The following DPM1 variants were observed in gnomAD, a reference collection of about 807,000 sequenced individuals.
DPM1 encodes the protein dolichol-phosphate mannosyltransferase subunit 1.
In DPM1, 27 loss-of-function variants were observed where a neutral mutation model predicts 39.0. The observed-to-expected ratio is 0.69, with a 90% CI of 0.51 to 0.95. DPM1 has a LOEUF of 0.95. Ranked by LOEUF, DPM1 falls within the 40% of genes least tolerant of loss-of-function variation. DPM1 has a pLI of 0.00. For synonymous variants in DPM1, 124 were observed against 109.0 expected (o/e 1.14, Z -0.86); for missense variants, 307 against 315.6 (o/e 0.97, Z 0.21).
chr20:50,941,524 C>A lies in DPM1; in HGVS notation c.494+507G>T, dbSNP rs58525549. Among the ~76,000 whole-genome samples the A allele has an allele frequency of 8.9e-3, 1,343 of 151,128 alleles. 18 individuals are homozygous for A. The highest frequency in any genetic ancestry group is 0.031 in the African/African-American group (1,264 of 41,082). On this transcript the variant is annotated intron_variant, in intron 6 of 8. Coordinates refer to ENST00000371588, the MANE Select transcript of DPM1 (RefSeq NM_003859.3). Reference sequence around the variant, plus strand: ...CTCAGGAGTTCGAGGGCAACCTGGGCCACATGGTGAAACCCCATCTCTATG... The same window carrying A: ...CTCAGGAGTTCGAGGGCAACCTGGGACACATGGTGAAACCCCATCTCTATG...
chr20:50,942,209 T>G, intron 5 of DPM1, 83 bp from the exon 6 acceptor site: 2 of 1,271,138 alleles, frequency 1.6e-6, no homozygotes, highest in East Asian at 4.6e-5. Context: ...ACAAAACTTT[T>G]AAGAGAAGTC....
chr20:50,939,064 A>G (rs1462803960), intron 7 of DPM1, among the ~76,000 whole-genome samples: 13 of 152,176 alleles, frequency 8.5e-5, no homozygotes, highest in Admixed American at 8.5e-4. Flanking sequence ...GAACACAGCT[A>G]ATCATTGCTG....
At chr20:50,943,382 A>T (rs545342060) in intron 5 of DPM1, among the ~76,000 whole-genome samples, 10 of 151,774 alleles carry the variant, frequency 6.6e-5, no homozygotes, top group Admixed American at 5.2e-4. Flanking sequence ...TTTTTTTGAG[A>T]TGGAGTCTCG....
At position 50,945,749 on chromosome 20, in the gene DPM1, G is replaced by T; in HGVS notation, c.386C>A (p.Pro129His). ...ADLSHHPKFIPEFIRKQKEGN... is the reference protein window; with the variant it reads ...ADLSHHPKFIHEFIRKQKEGN... ...AAATAGTACCTACCTAATAAATTCAGGAATAAATTTTGGCTGAAATTTGAA... is the reference window on the plus strand; with the variant it reads ...AAATAGTACCTACCTAATAAATTCATGAATAAATTTTGGCTGAAATTTGAA... Residue 129 changes from proline (P) to histidine (H), a missense_variant, in exon 5 of 9, where the codon CCT becomes CAT. Pro to His is a moderately conservative substitution (Grantham distance 77). This residue lies in a region of DPM1 where 206 missense variants were observed against 188.2 expected (regional missense o/e 1.09). Transcript: ENST00000371588. 4 of 1,581,092 alleles carry T rather than the reference G, an allele frequency of 2.5e-6. No homozygotes were observed. The highest frequency in any genetic ancestry group is 3.5e-6 in the Non-Finnish European group (4 of 1,151,200).
Position 50,948,930 on chromosome 20 carries a change from C to T in DPM1, c.262-268G>A, listed in dbSNP as rs576822151. On this transcript the variant is annotated intron_variant, in intron 2 of 8. Coordinates refer to ENST00000371588, the MANE Select transcript of DPM1 (RefSeq NM_003859.3). Reference sequence around the variant, plus strand: ...GGCTGGAGTACAGTGGCGTGATCTCCGCTCACTGCAACCTCTGCCTCCTGG... The same window carrying T: ...GGCTGGAGTACAGTGGCGTGATCTCTGCTCACTGCAACCTCTGCCTCCTGG... Among the ~76,000 whole-genome samples the T allele has an allele frequency of 3.9e-4, 60 of 151,934 alleles. No homozygotes were observed. In the East Asian group the frequency reaches 5.2e-3, roughly 13 times the overall value.
At chr20:50,942,153 G>C in intron 5 of DPM1, 27 bp from the exon 6 acceptor site, 1 of 1,591,114 alleles carries the variant, frequency 6.3e-7, no homozygotes, top group South Asian at 1.1e-5. Flanking sequence ...CTGTCAATTA[G>C]AAAAAGCCAC....
intron 7 of DPM1, among the ~76,000 whole-genome samples, chr20:50,938,464 G>A (rs916441316): frequency 1.3e-5 from 2 of 150,996 alleles, no homozygotes; most frequent in African/African-American, 2.4e-5. Flanking sequence ...CTCACTGCAA[G>A]CTCTGCCTCC....
Position 50,945,823 on chromosome 20 carries a change from C to T in DPM1, c.372+24G>A, listed in dbSNP as rs1335527893. 8 of 1,611,738 alleles carry T rather than the reference C, an allele frequency of 5.0e-6. 1 individual carries two copies. In the South Asian group the frequency reaches 7.7e-5, roughly 15 times the overall value. On this transcript the variant is annotated intron_variant, in intron 4 of 8. Transcript: ENST00000371588. ...AACAGGCTAAGACTACCATAAATAG[C>T]TAATAAAGAAACATACCACTTACAT...
chr20:50,936,215 G>C lies in DPM1; in HGVS notation c.611C>G (p.Ser204Cys), dbSNP rs753066146. 1 of 1,613,522 alleles carries C rather than the reference G, an allele frequency of 6.2e-7. No homozygotes were observed. Among genetic ancestry groups the C allele is most frequent in the Admixed American group, 1.7e-5 (1 of 60,026 alleles). ...CTCCATCTGGAAGACGTAGCCTTTA[G>C]AAACACATTTTTCTATTAATTTCTC... ...VLEKLIEKCV[S>C]KGYVFQMEMI... Residue 204 changes from serine to cysteine, a missense_variant, in exon 8 of 9, where the codon TCT becomes TGT. By Grantham distance (112) the Ser-to-Cys change is moderately radical (BLOSUM62 -1). Coordinates refer to ENST00000371588, the MANE Select transcript of DPM1 (RefSeq NM_003859.3).
At chr20:50,940,844 T>C in intron 7 of DPM1, 21 bp downstream of exon 7, 1 of 1,564,756 alleles carries the variant, frequency 6.4e-7, no homozygotes, top group Non-Finnish European at 8.8e-7. Context: ...TATATAAAAG[T>C]AGTGGAAATT....
chr20:50,942,652 A>G (rs114844211), intron 5 of DPM1, among the ~76,000 whole-genome samples: 4,619 of 151,760 alleles, frequency 0.03, 247 homozygotes, highest in African/African-American at 0.11. Flanking sequence ...CTGGGTGACA[A>G]TGGAAGACCT....
intron 2 of DPM1, 118 bp downstream of exon 2, chr20:50,955,068 G>A: frequency 3.5e-6 from 3 of 857,508 alleles, no homozygotes; most frequent in East Asian, 2.6e-5. Flanking sequence ...AAATGCGTAA[G>A]TTGCTCTTTA....
intron 5 of DPM1, chr20:50,944,542 C>A (rs1358104963): frequency 1.3e-5 from 2 of 152,204 alleles, no homozygotes; most frequent in Non-Finnish European, 2.9e-5. Context: ...GGAAGGAGCA[C>A]AAGGCAGAGG....
At chr20:50,935,280 T>C in intron 8 of DPM1, 44 bp from the exon 9 acceptor site, 3 of 1,233,676 alleles carry the variant, frequency 2.4e-6, no homozygotes, top group Non-Finnish European at 3.6e-6. Flanking sequence ...TAAAAACAAT[T>C]AGGCAGCTTA....
At chr20:50,940,956 C>A in intron 6 of DPM1, 23 bp from the exon 7 acceptor site, 2 of 1,611,222 alleles carry the variant, frequency 1.2e-6, no homozygotes, top group Non-Finnish European at 1.7e-6. Flanking sequence ...ACAATCAGAT[C>A]TTCTTTACAA....
Position 50,934,886 on chromosome 20 carries a change from TA to T in DPM1, c.*245del. 6.6e-6 allele frequency: 2 copies of T among 305,208 alleles called. No individual in the cohort carries two copies. Among genetic ancestry groups the T allele is most frequent in the South Asian group, 1.1e-4 (2 of 18,288 alleles). The allele number at this position is 305,208 out of a possible 1,614,324, so 18.9% of individuals were successfully genotyped here. On this transcript the variant is annotated 3_prime_UTR_variant, in exon 9 of 9. Coordinates refer to ENST00000371588, the MANE Select transcript of DPM1 (RefSeq NM_003859.3). Reference sequence around the variant, plus strand: ...CAGCAATACTTTATGCAAAAAAAAATATACATTTATTTATAGGTCTCAATAC... The same window carrying T: ...CAGCAATACTTTATGCAAAAAAAAATTACATTTATTTATAGGTCTCAATAC...
intron 2 of DPM1, among the ~76,000 whole-genome samples, chr20:50,952,092 T>C (rs570736158): frequency 1.3e-5 from 2 of 152,178 alleles, no homozygotes; most frequent in Non-Finnish European, 2.9e-5. Flanking sequence ...CACTACTCAT[T>C]TGCCATGTGA....
chr20:50,941,406 T>TATATTCATATATATATTC (rs1985811818), intron 6 of DPM1, among the ~76,000 whole-genome samples: 1 of 144,772 alleles, frequency 6.9e-6, no homozygotes, highest in Non-Finnish European at 1.5e-5. Context: ...TCATATTATA[T>TATATTCATATATATATTC]ATATATATTC....
chr20:50,957,537 C>G (rs139202000), intron 1 of DPM1, among the ~76,000 whole-genome samples: 1 of 152,104 alleles, frequency 6.6e-6, no homozygotes, highest in Non-Finnish European at 1.5e-5. Flanking sequence ...TTCTCATCGA[C>G]AAAGCAAAAG....
Sources: gnomAD v4.1 joint callset for allele counts (sites outside exome capture counted in the v4.1 genomes callset) on GRCh38, gnomAD v4.1.1 for gene constraint, gnomAD v4.1.1 regional missense constraint, MANE v1.5 for transcripts, NCBI Gene and HGNC (gene_info 2026-07-23, HGNC 2026-07-21) for gene names.